The following TOX2 variants were observed in gnomAD, a reference collection of about 807,000 sequenced individuals.
TOX2 encodes the protein TOX high mobility group box family member 2.
A neutral mutation model predicts 47.4 loss-of-function variants in TOX2; 15 were observed. That is an observed-to-expected ratio of 0.32 (90% CI 0.21 to 0.49). The LOEUF is 0.49. TOX2 is among the 20% of genes least tolerant of loss of function. TOX2 has a pLI of 0.99. For missense variants in TOX2, 622 were observed against 673.1 expected (o/e 0.92, Z 0.84); for synonymous variants, 290 against 296.6 (o/e 0.98, Z 0.23).
chr20:43,921,861 G>A (rs1600647704), intron 1 of TOX2, among the ~76,000 whole-genome samples: 1 of 152,198 alleles, frequency 6.6e-6, no homozygotes, highest in African/African-American at 2.4e-5. Context: ...ATGCTTCCAT[G>A]TCTTGATCCC....
Position 43,914,880 on chromosome 20 carries a change from GC to G in TOX2, c.-10del. The G allele has an allele frequency of 9.9e-7, 1 of 1,007,808 alleles. No homozygotes were observed. Among genetic ancestry groups the G allele is most frequent in the Non-Finnish European group, 1.2e-6 (1 of 846,738 alleles). 62.4% of individuals were successfully genotyped at this position (1,007,808 alleles called of 1,614,324 possible). On this transcript the variant is annotated 5_prime_UTR_variant, in exon 1 of 9. Transcript: ENST00000341197. This position sits in a 1 kb window ranked among gnomAD's most constrained non-coding sequence, Gnocchi z 4.5. ...GCCCGCGGGAGCCGCCGCCGCCGCC[GC>G]CGCGCCCGCCATGGACGTCCGCCTG... is the stretch of plus-strand genomic sequence containing the variant.
chr20:44,032,260 A>T (rs1047966661), intron 3 of TOX2, among the ~76,000 whole-genome samples: 1 of 152,220 alleles, frequency 6.6e-6, no homozygotes, highest in Admixed American at 6.5e-5. Context: ...ATGGTTTTCC[A>T]GCTCAGCACT....
chr20:43,929,372 A>G (rs564684561), intron 1 of TOX2, among the ~76,000 whole-genome samples: 81 of 152,248 alleles, frequency 5.3e-4, no homozygotes, highest in Middle Eastern at 6.8e-3. Context: ...CTCTGCCTGC[A>G]TTTCCAGCCT....
intron 1 of TOX2, among the ~76,000 whole-genome samples, chr20:43,928,516 C>G (rs547700108): frequency 3.3e-5 from 5 of 152,238 alleles, no homozygotes; most frequent in Non-Finnish European, 7.3e-5. Flanking sequence ...GGATTACGTC[C>G]TTCAGGATCA....
At position 43,915,558 on chromosome 20, in the gene TOX2, C is replaced by T. The variant is rs1188145924; in HGVS notation, c.99+568C>T. On this transcript the variant is annotated intron_variant, in intron 1 of 8. Coordinates refer to ENST00000341197, the MANE Select transcript of TOX2 (RefSeq NM_001098797.2). This position sits in a 1 kb window ranked among gnomAD's most constrained non-coding sequence, Gnocchi z 7.1. ...GCGCACGCTGTCACACACAGCCACC[C>T]CCCTGGACGGTGAGCCTCAGACACA... Among the ~76,000 whole-genome samples the T allele has an allele frequency of 6.6e-6, 1 of 152,208 alleles. No individual in the cohort carries two copies. Among genetic ancestry groups the T allele is most frequent in the Non-Finnish European group, 1.5e-5 (1 of 68,042 alleles).
chr20:43,951,914 T>C (rs1222739399), intron 1 of TOX2, among the ~76,000 whole-genome samples: 1 of 150,786 alleles, frequency 6.6e-6, no homozygotes. Context: ...TTTGTTTTTT[T>C]GAGGCCGAGT....
intron 3 of TOX2, among the ~76,000 whole-genome samples, chr20:44,037,727 GT>G (rs368141067): frequency 0.018 from 2,712 of 152,132 alleles, 47 homozygotes; most frequent in Admixed American, 0.027. Flanking sequence ...AAACAAAGAC[GT>G]TGGGATCTAT....
At chr20:44,063,422 C>T (rs6073304) in intron 5 of TOX2, among the ~76,000 whole-genome samples, 1 of 151,756 alleles carries the variant, frequency 6.6e-6, no homozygotes, top group Non-Finnish European at 1.5e-5. Flanking sequence ...TCAAAACCAC[C>T]TTACTCCTGC....
At chr20:44,046,261 CA>C (rs1254716827) in intron 3 of TOX2, among the ~76,000 whole-genome samples, 2 of 152,096 alleles carry the variant, frequency 1.3e-5, no homozygotes, top group Non-Finnish European at 2.9e-5. Context: ...GGAGAAGCCA[CA>C]GTAAAGACAT....
chr20:43,937,015 C>G (rs144078090), intron 1 of TOX2, among the ~76,000 whole-genome samples: 2 of 152,316 alleles, frequency 1.3e-5, no homozygotes, highest in Non-Finnish European at 2.9e-5. Flanking sequence ...CATGTGGCCT[C>G]TAGTCTAGCC....
At chr20:43,925,722 T>G (rs1401158713) in intron 1 of TOX2, among the ~76,000 whole-genome samples, 2 of 152,232 alleles carry the variant, frequency 1.3e-5, no homozygotes, top group East Asian at 3.8e-4. Context: ...TTTGACTTCT[T>G]AGTTTCTAGC....
intron 3 of TOX2, among the ~76,000 whole-genome samples, chr20:44,048,829 T>C (rs2071459991): frequency 6.6e-6 from 1 of 152,180 alleles, no homozygotes; most frequent in African/African-American, 2.4e-5. Context: ...TCTGTCTTCT[T>C]TTTGTAATAA....
At chr20:44,053,750 C>T (rs1182409578) in intron 4 of TOX2, among the ~76,000 whole-genome samples, 2 of 151,578 alleles carry the variant, frequency 1.3e-5, no homozygotes, top group Non-Finnish European at 2.9e-5. Flanking sequence ...CAATAATTAT[C>T]TGATTCCCTA....
intron 1 of TOX2, among the ~76,000 whole-genome samples, chr20:43,926,064 G>C (rs747559171): frequency 8.5e-5 from 13 of 152,210 alleles, no homozygotes; most frequent in Non-Finnish European, 1.6e-4. Context: ...CTGATTTGCA[G>C]GAATGATTTA....
intron 1 of TOX2, among the ~76,000 whole-genome samples, chr20:43,958,558 C>T (rs2069704397): frequency 6.6e-6 from 1 of 152,222 alleles, no homozygotes; most frequent in African/African-American, 2.4e-5. Context: ...TATGCAGATA[C>T]CCATTTTCCC....
chr20:43,933,567 C>T (rs1024464646), intron 1 of TOX2, among the ~76,000 whole-genome samples: 9 of 152,102 alleles, frequency 5.9e-5, no homozygotes, highest in African/African-American at 2.2e-4. Flanking sequence ...GAGCCTGAGA[C>T]GAGGGTTCTT....
intron 3 of TOX2, among the ~76,000 whole-genome samples, chr20:44,041,044 T>A (rs892761399): frequency 6.6e-6 from 1 of 152,154 alleles, no homozygotes; most frequent in Non-Finnish European, 1.5e-5. Flanking sequence ...AGGGAGGGGC[T>A]GCAGGAATCA....
chr20:43,993,695 C>T (rs1465354809), intron 2 of TOX2, among the ~76,000 whole-genome samples: 1 of 152,188 alleles, frequency 6.6e-6, no homozygotes, highest in Non-Finnish European at 1.5e-5. Flanking sequence ...TTGCCTGTGG[C>T]TACTTTCATG....
intron 2 of TOX2, among the ~76,000 whole-genome samples, chr20:43,997,574 CTTATT>C (rs1023675411): frequency 2.6e-5 from 4 of 151,774 alleles, no homozygotes; most frequent in African/African-American, 7.3e-5. Flanking sequence ...TCAGTGGTTC[CTTATT>C]TTATTAGCCT....
Sources: gnomAD v4.1 joint callset for allele counts (sites outside exome capture counted in the v4.1 genomes callset) on GRCh38, gnomAD v4.1.1 for gene constraint, Gnocchi (gnomAD v3.1) non-coding constraint, MANE v1.5 for transcripts, NCBI Gene and HGNC (gene_info 2026-07-23, HGNC 2026-07-21) for gene names.